The following BRK1 variants were observed in gnomAD, a reference collection of about 807,000 sequenced individuals.
The protein encoded by BRK1 is protein BRICK1.
BRK1 carries 6 observed loss-of-function variants against 9.9 expected under a neutral mutation model. The observed-to-expected ratio is 0.60, with a 90% CI of 0.33 to 1.19. The LOEUF is 1.19. Ranked by LOEUF, BRK1 falls within the 50% of genes most tolerant of loss-of-function variation. The probability of loss-of-function intolerance (pLI) is 0.04; values close to 1 mark genes in which losing one functional copy is unlikely to be tolerated. For synonymous variants in BRK1, 44 were observed against 31.9 expected (o/e 1.38, Z -1.28); for missense variants, 62 against 97.5 (o/e 0.64, Z 1.53).
At position 10,126,315 on chromosome 3, in the gene BRK1, T is replaced by A. The variant is rs2125119418; in HGVS notation, c.*20T>A. On this transcript the variant is annotated 3_prime_UTR_variant, in exon 3 of 3. Transcript: ENST00000530758. ...ACCTAGAACAGTGCCGTGCTGCTGC[T>A]GGGAAGTTGCTTTACACAACACAGG... 1 of 1,573,298 alleles carries A rather than the reference T, an allele frequency of 6.4e-7. No individual in the cohort carries two copies. The highest frequency in any genetic ancestry group is 1.2e-5 in the South Asian group (1 of 85,344).
chr3:10,117,747 G>C (rs576030427), intron 1 of BRK1, among the ~76,000 whole-genome samples: 5 of 152,146 alleles, frequency 3.3e-5, no homozygotes, highest in Admixed American at 2.6e-4. Flanking sequence ...CAGTCTTTTG[G>C]AGCCAAAAGA....
intron 1 of BRK1, among the ~76,000 whole-genome samples, chr3:10,117,963 C>T (rs1469203804): frequency 6.6e-6 from 1 of 152,102 alleles, no homozygotes; most frequent in Non-Finnish European, 1.5e-5. Flanking sequence ...GTACCTGAGG[C>T]AAGTTCTTAA....
chr3:10,119,086 A>G (rs567558207), intron 1 of BRK1, among the ~76,000 whole-genome samples: 67 of 151,024 alleles, frequency 4.4e-4, no homozygotes, highest in African/African-American at 1.5e-3. Flanking sequence ...GGCTCACTGC[A>G]AGCTCTGCAC....
At chr3:10,117,719 A>G (rs1695706150) in intron 1 of BRK1, among the ~76,000 whole-genome samples, 1 of 152,078 alleles carries the variant, frequency 6.6e-6, no homozygotes, top group Non-Finnish European at 1.5e-5. Flanking sequence ...AAACTAAGGA[A>G]TTAGACATAC....
intron 1 of BRK1, among the ~76,000 whole-genome samples, chr3:10,117,155 C>G (rs553247557): frequency 6.6e-6 from 1 of 152,242 alleles, no homozygotes; most frequent in South Asian, 2.1e-4. Flanking sequence ...GAGGCTGAGA[C>G]AGGAGGATCA....
intron 1 of BRK1, among the ~76,000 whole-genome samples, chr3:10,119,803 T>C (rs1575905634): frequency 6.6e-6 from 1 of 152,308 alleles, no homozygotes; most frequent in South Asian, 2.1e-4. Flanking sequence ...TTTCTGGTTC[T>C]AAAGGTAATA....
intron 1 of BRK1, among the ~76,000 whole-genome samples, chr3:10,116,666 G>T (rs151297949): frequency 0.011 from 1,741 of 152,262 alleles, 132 homozygotes; most frequent in Admixed American, 0.1. Context: ...AGGATATAGG[G>T]ACTAGTGTAC....
intron 1 of BRK1, among the ~76,000 whole-genome samples, chr3:10,118,679 G>C (rs1332452131): frequency 6.6e-6 from 1 of 152,060 alleles, no homozygotes; most frequent in Non-Finnish European, 1.5e-5. Flanking sequence ...GTAGAGACAG[G>C]ATTCGCCATG....
intron 1 of BRK1, among the ~76,000 whole-genome samples, 177 bp downstream of exon 1, chr3:10,115,996 GTC>G (rs1695680014): frequency 6.6e-6 from 1 of 152,108 alleles, no homozygotes; most frequent in Non-Finnish European, 1.5e-5. Context: ...CCCGTAGACA[GTC>G]TCTGTAGGGT....
chr3:10,126,145 T>A (rs1695837135), intron 2 of BRK1, 124 bp from the exon 3 acceptor site: 3 of 651,394 alleles, frequency 4.6e-6, no homozygotes, highest in Non-Finnish European at 7.5e-6. Flanking sequence ...GAACCATGTT[T>A]CTGTGACTTC....
chr3:10,122,981 G>A (rs1281654889), intron 1 of BRK1, among the ~76,000 whole-genome samples: 1 of 152,200 alleles, frequency 6.6e-6, no homozygotes, highest in Non-Finnish European at 1.5e-5. Context: ...TGTTAGCTAA[G>A]TGTTAAATCA....
rs1248903117 is a variant in BRK1, at chr3:10,126,330, C to T, written c.*35C>T. On this transcript the variant is annotated 3_prime_UTR_variant, in exon 3 of 3. Transcript: ENST00000530758. ...GTGCTGCTGCTGGGAAGTTGCTTTA[C>T]ACAACACAGGCCACATGGGAAAGGC... The T allele has an allele frequency of 1.3e-6, 2 of 1,564,518 alleles. No homozygotes were observed. Among genetic ancestry groups the T allele is most frequent in the Non-Finnish European group, 1.7e-6 (2 of 1,153,648 alleles).
intron 1 of BRK1, among the ~76,000 whole-genome samples, chr3:10,123,463 TCTCA>T (rs1695786490): frequency 7.2e-6 from 1 of 138,828 alleles, no homozygotes; most frequent in African/African-American, 2.9e-5. Flanking sequence ...TGAGACGGAG[TCTCA>T]CTCTGTTTCC....
chr3:10,125,780 C>A, intron 2 of BRK1, 72 bp downstream of exon 2: 1 of 1,143,754 alleles, frequency 8.7e-7, no homozygotes, highest in Non-Finnish European at 1.3e-6. Flanking sequence ...AACCTGAAAG[C>A]AGAAACAGTC....
In BRK1 at chr3:10,115,770, G is replaced by T. The variant is rs1431184320; in HGVS notation, c.69G>T (p.Glu23Asp). Residue 23 changes from glutamate (E) to aspartate (D), a missense_variant, in exon 1 of 3, where the codon GAG (glutamate) becomes GAT (aspartate). Coordinates refer to ENST00000530758, the MANE Select transcript of BRK1 (RefSeq NM_018462.5). The part of the protein sequence containing the change: ...HQDWANREYI[E>D]IITSSIKKIA... ...ACTGGGCTAACCGGGAGTACATTGAGATAATCACCAGCAGCATCAAGAAAA... is the reference window on the plus strand; with the variant it reads ...ACTGGGCTAACCGGGAGTACATTGATATAATCACCAGCAGCATCAAGAAAA... The T allele has an allele frequency of 6.8e-6, 11 of 1,613,892 alleles. No homozygotes were observed. The highest frequency in any genetic ancestry group is 9.3e-6 in the Non-Finnish European group (11 of 1,179,908).
intron 1 of BRK1, among the ~76,000 whole-genome samples, chr3:10,121,527 C>T (rs1695755591): frequency 6.6e-6 from 1 of 150,668 alleles, no homozygotes; most frequent in South Asian, 2.1e-4. Context: ...TTTTGTTCCA[C>T]TAATATACCA....
chr3:10,123,670 G>A (rs1291377240), intron 1 of BRK1, among the ~76,000 whole-genome samples: 7 of 132,254 alleles, frequency 5.3e-5, no homozygotes, highest in Admixed American at 2.4e-4. Flanking sequence ...TCCTGACCTC[G>A]TGATCCACTG....
chr3:10,125,670 A>G lies in BRK1; in HGVS notation c.163A>G (p.Thr55Ala). 1 of 1,613,192 alleles carries G rather than the reference A, an allele frequency of 6.2e-7. No individual in the cohort carries two copies. Among genetic ancestry groups the G allele is most frequent in the African/African-American group, 1.3e-5 (1 of 75,024 alleles). Residue 55 changes from threonine (T) to alanine (A), a missense_variant, in exon 2 of 3, where the codon ACA becomes GCA. Thr to Ala is a moderately conservative substitution (Grantham distance 58). Transcript: ENST00000530758. The stretch of plus-strand genomic sequence containing the variant: ...ACTTGCAACACTAAACGAGAAATTG[A>G]CAGCCCTTGAACGGAGAATAGAGTA... The part of the protein sequence containing the change: ...SRLATLNEKL[T>A]ALERRIEYIE...
At chr3:10,125,335 C>T (rs1267120003) in intron 1 of BRK1, among the ~76,000 whole-genome samples, 4 of 152,086 alleles carry the variant, frequency 2.6e-5, no homozygotes, top group Non-Finnish European at 5.9e-5. Context: ...GAACTCTTGA[C>T]CTCAGGTGAT....
Sources: allele counts gnomAD v4.1 joint callset (sites outside exome capture counted in the v4.1 genomes callset), GRCh38; gene constraint gnomAD v4.1.1; transcripts MANE v1.5; gene names NCBI Gene and HGNC (gene_info 2026-07-23, HGNC 2026-07-21).